The following CC2D2B variants were observed in gnomAD, a reference collection of about 807,000 sequenced individuals.
CC2D2B encodes the protein protein CC2D2B.
A neutral mutation model predicts 161.2 loss-of-function variants in CC2D2B; 128 were observed. The ratio of observed to expected loss-of-function variants is 0.79; its 90% CI spans 0.69 to 0.92. The LOEUF (loss-of-function observed/expected upper bound fraction) is 0.92. Among genes scored for constraint, CC2D2B ranks in the 40% least tolerant of loss-of-function variants. The pLI is 0.00. For missense variants in CC2D2B, 1,173 were observed against 1,375.1 expected (o/e 0.85, Z 2.32); for synonymous variants, 391 against 449.8 (o/e 0.87, Z 1.65).
chr10:95,969,549 TAAG>T (rs1265324233), intron 15 of CC2D2B, among the ~76,000 whole-genome samples: 2 of 152,148 alleles, frequency 1.3e-5, no homozygotes, highest in Non-Finnish European at 1.5e-5. Flanking sequence ...GATTTGTGTG[TAAG>T]AAGGGAGGTG....
intron 10 of CC2D2B, among the ~76,000 whole-genome samples, chr10:95,953,523 G>A (rs774365291): frequency 2.6e-5 from 4 of 152,090 alleles, no homozygotes; most frequent in Admixed American, 6.6e-5. Flanking sequence ...TTTTTACGAC[G>A]TCAAATCTGT....
At chr10:96,029,245 T>C (rs1193249214) in intron 34 of CC2D2B, among the ~76,000 whole-genome samples, 2 of 11,974 alleles carry the variant, frequency 1.7e-4, no homozygotes, top group Admixed American at 8.5e-4. Context: ...ATGTACCATA[T>C]ATATATATAT....
intron 9 of CC2D2B, among the ~76,000 whole-genome samples, chr10:95,940,262 A>G (rs778024195): frequency 7.2e-5 from 11 of 152,170 alleles, no homozygotes; most frequent in Non-Finnish European, 1.3e-4. Context: ...ACCCACCCCC[A>G]TGATCCAATC....
chr10:95,981,567 T>G (rs1047551874), intron 17 of CC2D2B, among the ~76,000 whole-genome samples: 2 of 152,226 alleles, frequency 1.3e-5, no homozygotes, highest in African/African-American at 4.8e-5. Context: ...AAGTGAATAT[T>G]TTGATTAAAT....
intron 34 of CC2D2B, among the ~76,000 whole-genome samples, chr10:96,030,841 C>A (rs1217851367): frequency 6.6e-6 from 1 of 152,060 alleles, no homozygotes; most frequent in Non-Finnish European, 1.5e-5. Context: ...GTAAAATAAT[C>A]AATTTAGTAA....
At chr10:95,983,011 A>C (rs2077587958) in intron 18 of CC2D2B, among the ~76,000 whole-genome samples, 1 of 152,072 alleles carries the variant, frequency 6.6e-6, no homozygotes, top group Non-Finnish European at 1.5e-5. Context: ...AACTCAGGTG[A>C]TCCACCTGCC....
chr10:95,931,806 T>A (rs896568959), intron 6 of CC2D2B, among the ~76,000 whole-genome samples: 2 of 152,182 alleles, frequency 1.3e-5, no homozygotes, highest in African/African-American at 4.8e-5. Context: ...AATTATGTGG[T>A]CAATTTTAGA....
At chr10:95,947,082 A>AAAAAATAT (rs1467752343) in intron 9 of CC2D2B, among the ~76,000 whole-genome samples, 2 of 39,500 alleles carry the variant, frequency 5.1e-5, no homozygotes, top group African/African-American at 1.8e-4. Flanking sequence ...TGGACTCAAA[A>AAAAAATAT]ATATATATAT....
intron 6 of CC2D2B, among the ~76,000 whole-genome samples, 191 bp downstream of exon 6, chr10:95,927,523 A>G (rs1038386377): frequency 3.9e-5 from 6 of 152,108 alleles, no homozygotes; most frequent in Non-Finnish European, 8.8e-5. Context: ...ATGCCCAGTG[A>G]TTACTAAGTT....
intron 2 of CC2D2B, among the ~76,000 whole-genome samples, chr10:95,915,938 C>T (rs147225718): frequency 1.3e-5 from 2 of 152,042 alleles, no homozygotes; most frequent in African/African-American, 4.8e-5. Context: ...GGAAGTATTC[C>T]CTTGTCCTCT....
intron 9 of CC2D2B, among the ~76,000 whole-genome samples, chr10:95,949,668 AT>A (rs2076336098): frequency 1.0e-5 from 1 of 99,492 alleles, no homozygotes; most frequent in African/African-American, 3.9e-5. Flanking sequence ...AAAAAAAAAA[AT>A]TAAAAAAAAA....
At chr10:95,954,741 T>C (rs975634256) in intron 10 of CC2D2B, among the ~76,000 whole-genome samples, 1 of 152,154 alleles carries the variant, frequency 6.6e-6, no homozygotes, top group Non-Finnish European at 1.5e-5. Context: ...ATAGTTTGTT[T>C]TCCTATGTTT....
intron 17 of CC2D2B, among the ~76,000 whole-genome samples, chr10:95,978,152 G>A (rs2077386145): frequency 6.6e-6 from 1 of 152,124 alleles, no homozygotes; most frequent in African/African-American, 2.4e-5. Context: ...TATCCTTAAA[G>A]TACTGAAATT....
chr10:95,926,959 C>T (rs2098540528), intron 5 of CC2D2B, among the ~76,000 whole-genome samples: 1 of 151,850 alleles, frequency 6.6e-6, no homozygotes, highest in African/African-American at 2.4e-5. Context: ...ACTCTTATCA[C>T]CCAGACTATA....
Position 96,012,648 on chromosome 10 carries a change from C to G in CC2D2B, c.3345C>G (p.Phe1115Leu). The change falls in exon 28 of 35, where the codon TTC (phenylalanine) becomes TTG (leucine). Residue 1115 changes from phenylalanine to leucine, a missense_variant. Physicochemically the swap from Phe to Leu is conservative, Grantham distance 22. Coordinates refer to ENST00000646931, the MANE Select transcript of CC2D2B (RefSeq NM_001349008.3). The stretch of plus-strand genomic sequence containing the variant: ...TTTTTAATGATGAAGGGATACAGTT[C>G]TTAGTCACAAGATATATCAAGGCAT... ...TTVFNDEGIQ[F>L]LVTRYIKALN... 3.1e-6 allele frequency: 5 copies of G among 1,610,772 alleles called. No individual in the cohort carries two copies. The South Asian group carries it at 5.5e-5, about 18-fold the overall frequency.
rs535124433 is a variant in CC2D2B at position 95,976,124 on chromosome 10, A to G, written c.1943+1968A>G. ...AGGCTGTTGGTCTTTTGTACCCAAA[A>G]GCCTTCTTTGTTTTAAAACAAACAA... On this transcript the variant is annotated intron_variant, in intron 17 of 34. Coordinates refer to ENST00000646931, the MANE Select transcript of CC2D2B (RefSeq NM_001349008.3). Among the ~76,000 whole-genome samples, 133 of 152,336 alleles carry G rather than the reference A, an allele frequency of 8.7e-4. 1 individual carries two copies. The highest frequency in any genetic ancestry group is 1.6e-3 in the Non-Finnish European group (110 of 68,032).
chr10:95,926,943 G>C (rs543978156), intron 5 of CC2D2B, among the ~76,000 whole-genome samples: 1 of 151,406 alleles, frequency 6.6e-6, no homozygotes, highest in African/African-American at 2.4e-5. Context: ...CCAGCATTTT[G>C]GTCAAACTCT....
At chr10:95,954,737 T>C (rs542886424) in intron 10 of CC2D2B, among the ~76,000 whole-genome samples, 1 of 152,166 alleles carries the variant, frequency 6.6e-6, no homozygotes, top group Non-Finnish European at 1.5e-5. Flanking sequence ...GAATATAGTT[T>C]GTTTTCCTAT....
chr10:95,936,890 G>T (rs2075841151), intron 6 of CC2D2B, among the ~76,000 whole-genome samples: 1 of 152,220 alleles, frequency 6.6e-6, no homozygotes, highest in South Asian at 2.1e-4. Flanking sequence ...TATAAAGGAA[G>T]CTTGGTTATG....
Sources: gnomAD v4.1 joint callset for allele counts (sites outside exome capture counted in the v4.1 genomes callset) on GRCh38, gnomAD v4.1.1 for gene constraint, MANE v1.5 for transcripts, NCBI Gene and HGNC (gene_info 2026-07-23, HGNC 2026-07-21) for gene names.